SSH2: variants seen among roughly 807,000 people sequenced by gnomAD.
The protein encoded by SSH2 is slingshot protein phosphatase 2.
SSH2 carries 37 observed loss-of-function variants against 135.2 expected under a neutral mutation model. The ratio of observed to expected loss-of-function variants is 0.27; its 90% CI spans 0.21 to 0.36. SSH2 has a LOEUF of 0.36. Among genes scored for constraint, SSH2 ranks in the 10% least tolerant of loss-of-function variants. The pLI is 1.00. For synonymous variants in SSH2, 628 were observed against 646.2 expected (o/e 0.97, Z 0.43); for missense variants, 1,408 against 1,765.3 (o/e 0.80, Z 3.63).
chr17:29,824,590 A>C (rs2042712767), intron 2 of SSH2, among the ~76,000 whole-genome samples: 1 of 152,140 alleles, frequency 6.6e-6, no homozygotes, highest in Non-Finnish European at 1.5e-5. Flanking sequence ...GATTCATGGG[A>C]TAGGGCTTGG....
At chr17:29,739,237 G>A (rs535145401) in intron 3 of SSH2, among the ~76,000 whole-genome samples, 1 of 152,244 alleles carries the variant, frequency 6.6e-6, no homozygotes, top group East Asian at 1.9e-4. Flanking sequence ...AGTTCGAACC[G>A]AATCCACTAT....
At chr17:29,755,125 T>A (rs948264031) in intron 3 of SSH2, among the ~76,000 whole-genome samples, 2 of 152,228 alleles carry the variant, frequency 1.3e-5, no homozygotes, top group Non-Finnish European at 2.9e-5. Flanking sequence ...ATAATAGCTC[T>A]CTAAAAAATA....
rs143871130 is a variant in SSH2, at chr17:29,905,301, A to G, written c.63+24637T>C. Among the ~76,000 whole-genome samples, 40 of 152,346 alleles carry G rather than the reference A, an allele frequency of 2.6e-4. 1 individual carries two copies. In the East Asian group the frequency reaches 7.7e-3, roughly 29 times the overall value. On this transcript the variant is annotated intron_variant, in intron 1 of 15. Coordinates refer to ENST00000540801, the MANE Select transcript of SSH2 (RefSeq NM_001282129.2). ...CACTTGTACAAGAACAGACACATAGATCAATGGAACAGAATAGAGAACTCA... is the reference window on the plus strand; with the variant it reads ...CACTTGTACAAGAACAGACACATAGGTCAATGGAACAGAATAGAGAACTCA...
intron 4 of SSH2, among the ~76,000 whole-genome samples, chr17:29,701,256 C>A (rs2038966274): frequency 6.6e-6 from 1 of 152,188 alleles, no homozygotes; most frequent in African/African-American, 2.4e-5. Flanking sequence ...CAGGCGTGAG[C>A]CACTGTGCCC....
At chr17:29,715,790 T>C (rs2039602821) in intron 3 of SSH2, among the ~76,000 whole-genome samples, 2 of 152,200 alleles carry the variant, frequency 1.3e-5, no homozygotes, top group East Asian at 3.8e-4. Context: ...TAAGAAACCA[T>C]GTCTCTGGAT....
intron 14 of SSH2, chr17:29,644,797 G>GATAAATAAATAAATAA (rs35949270): frequency 4.7e-5 from 7 of 149,620 alleles, no homozygotes; most frequent in African/African-American, 1.7e-4. Context: ...ACTTTGCCTC[G>GATAAATAAATAAATAA]ATAAATAAAT....
intron 1 of SSH2, among the ~76,000 whole-genome samples, chr17:29,903,728 T>A (rs928467182): frequency 4.6e-5 from 7 of 152,168 alleles, no homozygotes; most frequent in African/African-American, 1.7e-4. Context: ...TCAATTAAGA[T>A]GTTTGGGATT....
chr17:29,807,832 CTTTTTTTTTTT>C (rs58284055), intron 2 of SSH2, among the ~76,000 whole-genome samples: 141 of 94,394 alleles, frequency 1.5e-3, no homozygotes, highest in Middle Eastern at 6.4e-3. Flanking sequence ...GTTTTGATGG[CTTTTTTTTTTT>C]TTTTTTTTTT....
intron 2 of SSH2, among the ~76,000 whole-genome samples, chr17:29,799,025 G>C (rs775404222): frequency 4.6e-5 from 7 of 151,760 alleles, no homozygotes; most frequent in Non-Finnish European, 7.4e-5. Flanking sequence ...ATTGTTTGAG[G>C]GCTTAAAAAC....
intron 2 of SSH2, among the ~76,000 whole-genome samples, chr17:29,840,075 G>C (rs1180294117): frequency 1.3e-5 from 2 of 152,102 alleles, no homozygotes; most frequent in African/African-American, 4.8e-5. Flanking sequence ...TTTTTCCCAA[G>C]CTATAATCTT....
In SSH2 at chr17:29,803,258, C is replaced by T. The variant is rs368989166; in HGVS notation, c.145-9321G>A. Among the ~76,000 whole-genome samples, 22 of 152,282 alleles carry T rather than the reference C, an allele frequency of 1.4e-4. No individual in the cohort carries two copies. In the East Asian group the frequency reaches 2.7e-3, roughly 19 times the overall value. Reference sequence around the variant, plus strand: ...TTGGCTGGGTGATTCTTCAGTTCTACATGGTATTGCTAAGGGTCATTCAGT... The same window carrying T: ...TTGGCTGGGTGATTCTTCAGTTCTATATGGTATTGCTAAGGGTCATTCAGT... On this transcript the variant is annotated intron_variant, in intron 2 of 15. Transcript: ENST00000540801.
intron 3 of SSH2, among the ~76,000 whole-genome samples, chr17:29,777,038 CT>C (rs1293151800): frequency 6.6e-6 from 1 of 151,988 alleles, no homozygotes; most frequent in Admixed American, 6.6e-5. Flanking sequence ...ATGGTGAAAC[CT>C]TGTCTCTACT....
rs1391196061 is a variant in SSH2, at chr17:29,698,383, A to AGTTG, written c.293-2861_293-2860insCAAC. On this transcript the variant is annotated intron_variant, in intron 4 of 15. Transcript: ENST00000540801. ...TATATCTCAATAAAGCTGTTAAACA[A>AGTTG]AAAATAAAAGAACAAGTATGAGGAG... is the stretch of plus-strand genomic sequence containing the variant. 2.6e-5 allele frequency among the ~76,000 whole-genome samples: 4 copies of AGTTG among 152,352 alleles called. No individual in the cohort carries two copies. The South Asian group carries it at 6.2e-4, about 24-fold the overall frequency.
intron 3 of SSH2, among the ~76,000 whole-genome samples, chr17:29,744,475 T>C (rs1347518710): frequency 6.6e-6 from 1 of 152,242 alleles, no homozygotes; most frequent in East Asian, 1.9e-4. Context: ...TAATGTAACA[T>C]GGCATTTATA....
intron 3 of SSH2, among the ~76,000 whole-genome samples, chr17:29,735,446 C>T (rs971039654): frequency 6.6e-6 from 1 of 152,126 alleles, no homozygotes. Context: ...CCTGTGATCC[C>T]AGAACTTTGG....
intron 1 of SSH2, among the ~76,000 whole-genome samples, chr17:29,871,491 A>C (rs1356756318): frequency 6.6e-6 from 1 of 152,232 alleles, no homozygotes; most frequent in Non-Finnish European, 1.5e-5. Flanking sequence ...ATTTGAAAAT[A>C]TACTCTCTTG....
chr17:29,852,156 A>G (rs769272698), intron 1 of SSH2, among the ~76,000 whole-genome samples: 11 of 151,462 alleles, frequency 7.3e-5, no homozygotes, highest in Non-Finnish European at 1.5e-4. Flanking sequence ...GTGGTGCTCA[A>G]TCGTAATCCC....
intron 8 of SSH2, among the ~76,000 whole-genome samples, chr17:29,672,774 G>A (rs909008832): frequency 6.6e-5 from 10 of 152,282 alleles, no homozygotes; most frequent in Non-Finnish European, 7.4e-5. Context: ...TGTGATCTCT[G>A]CTCACTGCAA....
At chr17:29,684,483 TAAA>T (rs11307211) in intron 6 of SSH2, 77 bp downstream of exon 6, 30,517 of 938,548 alleles carry the variant, frequency 0.033, 271 homozygotes, top group East Asian at 0.055. Flanking sequence ...CCGTCCCCAT[TAAA>T]AAAAAAAAAA....
Sources: gnomAD v4.1 joint callset for allele counts (sites outside exome capture counted in the v4.1 genomes callset) on GRCh38, gnomAD v4.1.1 for gene constraint, MANE v1.5 for transcripts, NCBI Gene and HGNC (gene_info 2026-07-23, HGNC 2026-07-21) for gene names.